Variants in DAAM2 observed in about 807,000 individuals in gnomAD.
The protein encoded by DAAM2 is dishevelled associated activator of morphogenesis 2, also known as disheveled-associated activator of morphogenesis 2.
In DAAM2, 39 loss-of-function variants were observed where a neutral mutation model predicts 120.7. The ratio of observed to expected loss-of-function variants is 0.32; its 90% confidence interval spans 0.25 to 0.42. DAAM2 has a LOEUF of 0.42. Ranked by LOEUF, DAAM2 falls within the 10% of genes least tolerant of loss-of-function variation. The pLI, the probability that DAAM2 is intolerant of heterozygous loss-of-function variation, is 1.00. For missense variants in DAAM2, 1,283 were observed against 1,401.7 expected, an observed-to-expected ratio of 0.92 and a Z score of 1.35; for synonymous variants, 488 against 524.9, an observed-to-expected ratio of 0.93 and a Z score of 0.96.
chr6:39,829,262 A>G (rs1000793279), intron 1 of DAAM2, among the ~76,000 whole-genome samples: 1 of 152,214 alleles, frequency 6.6e-6, no homozygotes, highest in Admixed American at 6.5e-5. Context: ...ACATGCGCCT[A>G]TGACTGGTTG....
intron 1 of DAAM2, among the ~76,000 whole-genome samples, chr6:39,812,129 G>A (rs755678950): frequency 6.6e-6 from 1 of 152,138 alleles, no homozygotes; most frequent in Non-Finnish European, 1.5e-5. Context: ...TGGTTGCTGC[G>A]GACCCCGGGA....
In DAAM2 at chr6:39,904,270, A is replaced by G. The variant is rs1439735748; in HGVS notation, c.*2233A>G. On this transcript the variant is annotated 3_prime_UTR_variant, in exon 25 of 25. Transcript: ENST00000274867. ...GAGCTCAGCCTTCTCACTCTAAAAG[A>G]AAGATATTTTTCTATTTATTTTCTA... The G allele has an allele frequency of 4.4e-6, 2 of 456,648 alleles. No individual in the cohort carries two copies. The highest frequency in any genetic ancestry group is 2.0e-5 in the African/African-American group (1 of 50,096). 28.3% of individuals were successfully genotyped at this position (456,648 alleles called of 1,614,324 possible). A position where few individuals can be genotyped will look rare whatever the true frequency, so the allele number is the denominator to read the frequency against.
intron 1 of DAAM2, among the ~76,000 whole-genome samples, chr6:39,827,335 T>C (rs1762709711): frequency 6.6e-6 from 1 of 152,152 alleles, no homozygotes. Flanking sequence ...CCAGCAGCTG[T>C]ATGAGGGGCG....
intron 1 of DAAM2, among the ~76,000 whole-genome samples, chr6:39,824,448 CTGTT>C (rs1443326321): frequency 6.6e-6 from 1 of 152,208 alleles, no homozygotes; most frequent in Non-Finnish European, 1.5e-5. Flanking sequence ...TCAAGTGTCC[CTGTT>C]TGTTTTGACA....
intron 1 of DAAM2, among the ~76,000 whole-genome samples, chr6:39,845,381 T>C (rs1763540957): frequency 2.1e-3 from 1 of 484 alleles, no homozygotes; most frequent in African/African-American, 5.7e-3. Flanking sequence ...CATACACATA[T>C]ACACACACCA....
At chr6:39,838,703 G>A (rs1335677346) in intron 1 of DAAM2, among the ~76,000 whole-genome samples, 3 of 152,104 alleles carry the variant, frequency 2.0e-5, no homozygotes, top group South Asian at 2.1e-4. Flanking sequence ...CACCCAGGCT[G>A]GATGGAGTGC....
chr6:39,886,507 T>C (rs1765387344), intron 15 of DAAM2: 2 of 399,324 alleles, frequency 5.0e-6, no homozygotes, highest in African/African-American at 2.1e-5. Flanking sequence ...GGGCTGCTGC[T>C]CTGTACTGGG....
intron 1 of DAAM2, among the ~76,000 whole-genome samples, chr6:39,802,849 G>T (rs1401136256): frequency 6.6e-6 from 1 of 152,000 alleles, no homozygotes; most frequent in African/African-American, 2.4e-5. Flanking sequence ...CCCCAGCCCT[G>T]CCCAAGAAGC....
chr6:39,858,636 G>A (rs1242475047), intron 2 of DAAM2, among the ~76,000 whole-genome samples: 2 of 152,226 alleles, frequency 1.3e-5, no homozygotes, highest in Non-Finnish European at 1.5e-5. Flanking sequence ...GTTATAAGTT[G>A]TTATTTATTT....
intron 15 of DAAM2, chr6:39,887,104 T>G: frequency 5.9e-6 from 1 of 168,752 alleles, no homozygotes. Context: ...GGAATGGGAG[T>G]TGATTCTGTT....
rs757931255 is a variant in DAAM2, at chr6:39,864,941, TG to T, written c.334-36del. 5 of 1,569,924 alleles carry T rather than the reference TG, an allele frequency of 3.2e-6. No homozygotes were observed. The South Asian group carries it at 5.9e-5, about 18-fold the overall frequency. ...ACACCTGAGCTGTAGTGCAGAGGGT[TG>T]GGAGACAGGCAGCCCCTTTCTACCT... On this transcript the variant is annotated intron_variant, in intron 4 of 24. Coordinates refer to ENST00000274867, the MANE Select transcript of DAAM2 (RefSeq NM_001201427.2).
At chr6:39,864,931 T>C in intron 4 of DAAM2, 49 bp from the exon 5 acceptor site, 2 of 1,562,428 alleles carry the variant, frequency 1.3e-6, no homozygotes, top group East Asian at 2.4e-5. Context: ...TGAGCTGTAG[T>C]GCAGAGGGTT....
intron 1 of DAAM2, among the ~76,000 whole-genome samples, chr6:39,837,948 C>T (rs1763173258): frequency 6.6e-6 from 1 of 152,190 alleles, no homozygotes; most frequent in Non-Finnish European, 1.5e-5. Context: ...TTACACTCTC[C>T]CTGTGGGATG....
chr6:39,892,432 C>T (rs1257195595), intron 19 of DAAM2, among the ~76,000 whole-genome samples: 1 of 152,192 alleles, frequency 6.6e-6, no homozygotes, highest in African/African-American at 2.4e-5. Context: ...GGTAGGAATG[C>T]AGATGCTGAT....
chr6:39,848,607 C>T (rs1203574551), intron 1 of DAAM2: 2 of 152,194 alleles, frequency 1.3e-5, no homozygotes, highest in African/African-American at 4.8e-5. Context: ...CACCCCTAGG[C>T]CTGCACAGAG....
At chr6:39,824,750 G>A (rs183617422) in intron 1 of DAAM2, among the ~76,000 whole-genome samples, 98 of 152,292 alleles carry the variant, frequency 6.4e-4, no homozygotes, top group African/African-American at 2.3e-3. Context: ...GCAAGAGCAG[G>A]TTCCGCGGAA....
intron 1 of DAAM2, among the ~76,000 whole-genome samples, chr6:39,798,242 G>A (rs2113990054): frequency 6.6e-6 from 1 of 152,298 alleles, no homozygotes; most frequent in Non-Finnish European, 1.5e-5. Flanking sequence ...TATTAAAAGA[G>A]CTTGCAAATT....
chr6:39,858,813 C>T (rs1358284747), intron 2 of DAAM2, among the ~76,000 whole-genome samples: 1 of 151,928 alleles, frequency 6.6e-6, no homozygotes, highest in African/African-American at 2.4e-5. Flanking sequence ...TAACTGAGTC[C>T]TGGGGAACAG....
At chr6:39,886,313 T>C in intron 15 of DAAM2, 1 of 398,638 alleles carries the variant, frequency 2.5e-6, no homozygotes, top group Non-Finnish European at 4.4e-6. Context: ...AAGTGGACAG[T>C]GTAGATGCTG....
Sources: allele counts gnomAD v4.1 joint callset (sites outside exome capture counted in the v4.1 genomes callset), GRCh38; gene constraint gnomAD v4.1.1; transcripts MANE v1.5; gene names NCBI Gene and HGNC (gene_info 2026-07-23, HGNC 2026-07-21).